GPR107: variants seen among roughly 807,000 people sequenced by gnomAD.
The protein encoded by GPR107 is G protein-coupled receptor 107.
GPR107 carries 31 observed loss-of-function variants against 75.5 expected under a neutral mutation model. The observed-to-expected ratio is 0.41, with a 90% confidence interval of 0.31 to 0.55. GPR107 has a LOEUF of 0.55. GPR107 is among the 20% of genes least tolerant of loss of function. The pLI, the probability that GPR107 is intolerant of heterozygous loss-of-function variation, is 0.26. For synonymous variants in GPR107, 267 were observed against 251.3 expected, an observed-to-expected ratio of 1.06 and a Z score of -0.59; for missense variants, 572 against 665.7, an observed-to-expected ratio of 0.86 and a Z score of 1.55.
chr9:130,127,731 C>T (rs1194838397), intron 16 of GPR107, among the ~76,000 whole-genome samples, 165 bp downstream of exon 16: 2 of 152,030 alleles, frequency 1.3e-5, no homozygotes, highest in East Asian at 1.9e-4. Flanking sequence ...GAGACAGGGT[C>T]TCACTCTGTC....
At chr9:130,067,743 C>T (rs535323303) in intron 1 of GPR107, among the ~76,000 whole-genome samples, 5 of 103,448 alleles carry the variant, frequency 4.8e-5, no homozygotes, top group East Asian at 3.5e-4. Context: ...AGTCCCCCCC[C>T]ACCGCCCCCT....
At chr9:130,072,723 G>C (rs75788860) in intron 1 of GPR107, among the ~76,000 whole-genome samples, 2,203 of 152,074 alleles carry the variant, frequency 0.014, 23 homozygotes, top group Non-Finnish European at 0.02. Context: ...TTTATGTTGG[G>C]GGGGGAACTG....
chr9:130,059,312 AC>A (rs937686181), intron 1 of GPR107, among the ~76,000 whole-genome samples: 1 of 152,020 alleles, frequency 6.6e-6, no homozygotes, highest in African/African-American at 2.4e-5. Flanking sequence ...ACATGGTAAA[AC>A]CCTGTCTCTA....
chr9:130,110,368 A>G, intron 14 of GPR107: 2 of 1,529,196 alleles, frequency 1.3e-6, no homozygotes, highest in Non-Finnish European at 1.8e-6. Context: ...TTTTTCCACC[A>G]GGTGACAGCA....
At chr9:130,076,974 G>A (rs371292035) in intron 3 of GPR107, among the ~76,000 whole-genome samples, 8 of 149,052 alleles carry the variant, frequency 5.4e-5, no homozygotes, top group African/African-American at 1.5e-4. Context: ...TGCAACCTCC[G>A]CCTCCCTCGT....
chr9:130,126,791 G>C (rs1311477395), intron 15 of GPR107, among the ~76,000 whole-genome samples: 3 of 151,808 alleles, frequency 2.0e-5, no homozygotes, highest in Admixed American at 6.6e-5. Flanking sequence ...TTCTTTCTTT[G>C]TTTTATTTTT....
chr9:130,086,440 T>G lies in GPR107; in HGVS notation c.585T>G (p.Phe195Leu). The change falls in exon 7 of 18, where the codon TTT becomes TTG. Residue 195 changes from phenylalanine (F) to leucine (L), a missense_variant. Phe to Leu is a conservative substitution (Grantham distance 22, BLOSUM62 0). Coordinates refer to ENST00000347136, the MANE Select transcript of GPR107 (RefSeq NM_020960.5). ...TTTAGGCCATGGGAGAGAAATCCTT[T>G]TCTGTTCATAATAATGGTGGGGCAG... ...VDSKAMGEKS[F>L]SVHNNGGAVS... 6.5e-7 allele frequency: 1 copy of G among 1,548,638 alleles called. No individual in the cohort carries two copies. Among genetic ancestry groups the G allele is most frequent in the Non-Finnish European group, 8.9e-7 (1 of 1,120,560 alleles).
chr9:130,124,392 C>T (rs1333743753), intron 14 of GPR107, among the ~76,000 whole-genome samples: 2 of 152,132 alleles, frequency 1.3e-5, no homozygotes, highest in African/African-American at 2.4e-5. Context: ...ACTGAAAGGG[C>T]TTATTACAAG....
rs538553852 is a variant in GPR107, at chr9:130,122,609, CCTTCT to C, written c.1307-2299_1307-2295del. Among the ~76,000 whole-genome samples the C allele has an allele frequency of 7.1e-4, 108 of 152,274 alleles. No individual in the cohort carries two copies. The East Asian group carries it at 0.018, about 26-fold the overall frequency. On this transcript the variant is annotated intron_variant, in intron 14 of 17. Transcript: ENST00000347136. ...GAGTGCATAATTTGTGCTTCGGTGC[CCTTCT>C]CTTCTCACAGGATAGCAGCTGCCCC... is the stretch of plus-strand genomic sequence containing the variant.
chr9:130,123,988 T>A (rs1831614184), intron 14 of GPR107, among the ~76,000 whole-genome samples: 1 of 152,144 alleles, frequency 6.6e-6, no homozygotes, highest in Non-Finnish European at 1.5e-5. Context: ...GTGCATTGGG[T>A]TTCTCAGAGG....
At chr9:130,078,559 C>T (rs1353024261) in intron 4 of GPR107, among the ~76,000 whole-genome samples, 1 of 152,216 alleles carries the variant, frequency 6.6e-6, no homozygotes, top group Admixed American at 6.5e-5. Context: ...ATAGTGAAGA[C>T]ATTGATTACC....
intron 1 of GPR107, among the ~76,000 whole-genome samples, chr9:130,069,682 CTTTT>C (rs766713149): frequency 5.3e-5 from 8 of 151,984 alleles, no homozygotes; most frequent in Admixed American, 1.3e-4. Context: ...TACTTTCTTT[CTTTT>C]TATTTTATTT....
chr9:130,057,092 C>CTGT (rs1287016477), intron 1 of GPR107, among the ~76,000 whole-genome samples: 1 of 151,944 alleles, frequency 6.6e-6, no homozygotes, highest in Non-Finnish European at 1.5e-5. Flanking sequence ...TTTAGATTGT[C>CTGT]TGTTTTGCTT....
intron 17 of GPR107, among the ~76,000 whole-genome samples, chr9:130,134,604 T>A (rs1831905030): frequency 6.6e-6 from 1 of 152,256 alleles, no homozygotes; most frequent in African/African-American, 2.4e-5. Context: ...TGTGGCTGCT[T>A]ATTAAAAATG....
chr9:130,104,424 T>C lies in GPR107; in HGVS notation c.1136T>C (p.Leu379Pro). The C allele has an allele frequency of 6.2e-7, 1 of 1,613,878 alleles. No homozygotes were observed. The highest frequency in any genetic ancestry group is 8.5e-7 in the Non-Finnish European group (1 of 1,179,730). The change falls in exon 13 of 18, where the codon CTG becomes CCG. Residue 379 changes from leucine to proline, a missense_variant. Leu to Pro is a moderately conservative substitution (Grantham distance 98). Transcript: ENST00000347136. The part of the protein sequence containing the change: ...IFMIVIPLQV[L>P]ANVAYIIIES... The stretch of plus-strand genomic sequence containing the variant: ...AGCAACTTCTCATGTCTGTAGGTCC[T>C]GGCAAATGTAGCCTACATCATCATA...
At chr9:130,104,395 C>T in intron 12 of GPR107, 25 bp from the exon 13 acceptor site, 1 of 1,611,550 alleles carries the variant, frequency 6.2e-7, no homozygotes, top group Non-Finnish European at 8.5e-7. Flanking sequence ...TGCTTTGGGG[C>T]CTCAGCAACT....
chr9:130,104,714 T>C (rs565145751), intron 13 of GPR107, among the ~76,000 whole-genome samples, 164 bp downstream of exon 13: 34 of 152,370 alleles, frequency 2.2e-4, no homozygotes. Flanking sequence ...GGCAGAACCC[T>C]GTGTCTTTTT....
chr9:130,099,044 GC>G (rs1005886245), intron 9 of GPR107, among the ~76,000 whole-genome samples: 1 of 152,080 alleles, frequency 6.6e-6, no homozygotes, highest in African/African-American at 2.4e-5. Context: ...GGGTACAGTG[GC>G]TCATGCCTGT....
intron 13 of GPR107, among the ~76,000 whole-genome samples, chr9:130,104,785 G>A (rs1033251215): frequency 6.6e-6 from 1 of 152,230 alleles, no homozygotes; most frequent in Non-Finnish European, 1.5e-5. Flanking sequence ...ATTTAACAGA[G>A]TTCTAAGACA....
Sources: gnomAD v4.1 joint callset for allele counts (sites outside exome capture counted in the v4.1 genomes callset) on GRCh38, gnomAD v4.1.1 for gene constraint, MANE v1.5 for transcripts, NCBI Gene and HGNC (gene_info 2026-07-23, HGNC 2026-07-21) for gene names.